RSF1: variants seen among roughly 807,000 people sequenced by gnomAD.
RSF1 encodes HBV pX-associated protein 8.
RSF1 carries 13 observed loss-of-function variants against 145.2 expected under a neutral mutation model. The ratio of observed to expected loss-of-function variants is 0.09; its 90% confidence interval spans 0.06 to 0.14. The LOEUF is 0.14. Among genes scored for constraint, RSF1 ranks in the 10% least tolerant of loss-of-function variants. RSF1 has a pLI of 1.00. For synonymous variants in RSF1, 577 were observed against 592.6 expected, an observed-to-expected ratio of 0.97 and a Z score of 0.38; for missense variants, 1,517 against 1,718.2, an observed-to-expected ratio of 0.88 and a Z score of 2.07.
chr11:77,746,291 G>A (rs1183575381), intron 3 of RSF1, among the ~76,000 whole-genome samples: 2 of 152,088 alleles, frequency 1.3e-5, no homozygotes, highest in East Asian at 1.9e-4. Flanking sequence ...TTTGGATCTT[G>A]AAGACTTCTG....
At chr11:77,746,974 A>T in intron 3 of RSF1, 62 bp downstream of exon 3, 1 of 1,017,772 alleles carries the variant, frequency 9.8e-7, no homozygotes. Flanking sequence ...TTTCCAATTT[A>T]ACCAGGAGTC....
intron 8 of RSF1, chr11:77,691,829 T>A (rs1960156833): frequency 6.6e-6 from 1 of 152,262 alleles, no homozygotes; most frequent in Non-Finnish European, 1.5e-5. Flanking sequence ...ATGTACTTGA[T>A]AATAAAGCTG....
intron 2 of RSF1, among the ~76,000 whole-genome samples, chr11:77,753,987 G>T (rs554361734): frequency 6.6e-6 from 1 of 152,086 alleles, no homozygotes; most frequent in African/African-American, 2.4e-5. Flanking sequence ...CCTAAACTGT[G>T]TTTGAAAAAC....
chr11:77,755,895 A>G (rs949015722), intron 2 of RSF1, among the ~76,000 whole-genome samples: 3 of 152,178 alleles, frequency 2.0e-5, no homozygotes, highest in Non-Finnish European at 4.4e-5. Context: ...TGGGAAGTGA[A>G]GAGCTGCATC....
chr11:77,726,502 T>C (rs1481679373), intron 4 of RSF1, among the ~76,000 whole-genome samples: 1 of 152,132 alleles, frequency 6.6e-6, no homozygotes, highest in Non-Finnish European at 1.5e-5. Context: ...AAAACAAAGG[T>C]GTGGTATGGT....
At chr11:77,714,702 C>T (rs932113826) in intron 5 of RSF1, among the ~76,000 whole-genome samples, 7 of 152,150 alleles carry the variant, frequency 4.6e-5, no homozygotes, top group South Asian at 2.1e-4. Flanking sequence ...ATTAGCTAAG[C>T]GCAGTGGCGC....
intron 5 of RSF1, among the ~76,000 whole-genome samples, chr11:77,712,027 G>A (rs1018416125): frequency 1.3e-5 from 2 of 152,040 alleles, no homozygotes; most frequent in African/African-American, 4.8e-5. Context: ...AATCTAATGT[G>A]GAATTTTTTG....
intron 1 of RSF1, among the ~76,000 whole-genome samples, chr11:77,798,619 A>AAAAAAAAC (rs1565184155): frequency 8.4e-6 from 1 of 119,398 alleles, no homozygotes; most frequent in Non-Finnish European, 1.7e-5. Context: ...AAAAAAAAAA[A>AAAAAAAAC]AAAGGCACAT....
At chr11:77,838,152 G>A in the RSF1 span, among the ~76,000 whole-genome samples, 2 of 152,118 alleles carry the variant, frequency 1.3e-5, no homozygotes, top group Non-Finnish European at 2.9e-5. Context: ...CTTTCTAATC[G>A]TCTTTAGTTG....
At chr11:77,733,139 A>C (rs1590856487) in intron 4 of RSF1, among the ~76,000 whole-genome samples, 1 of 152,206 alleles carries the variant, frequency 6.6e-6, no homozygotes, top group Non-Finnish European at 1.5e-5. Context: ...ACATTTGAAG[A>C]AACTGCAAAA....
chr11:77,754,037 A>G (rs1206548126), intron 2 of RSF1, among the ~76,000 whole-genome samples: 24 of 152,314 alleles, frequency 1.6e-4, no homozygotes, highest in Admixed American at 1.2e-3. Context: ...TTTGAATAAT[A>G]ATTATGACTC....
the RSF1 span, among the ~76,000 whole-genome samples, chr11:77,833,009 A>ATATATTTT: frequency 6.7e-5 from 4 of 60,036 alleles, no homozygotes; most frequent in African/African-American, 2.8e-4. Flanking sequence ...ATATATATAT[A>ATATATTTT]TTTTTTTTTT....
chr11:77,761,068 C>T lies in RSF1; in HGVS notation c.279+3530G>A, dbSNP rs532303786. ...CAAGCGGTTCTCCTGCCTCAGCCTC[C>T]GGAGTAGCTGGGCGCTTGCCACCAC... On this transcript the variant is annotated intron_variant, in intron 2 of 15. Transcript: ENST00000308488. Among the ~76,000 whole-genome samples, 31 of 152,214 alleles carry T rather than the reference C, an allele frequency of 2.0e-4. No homozygotes were observed. The East Asian group carries it at 3.9e-3, about 19-fold the overall frequency.
intron 2 of RSF1, among the ~76,000 whole-genome samples, chr11:77,751,292 A>G (rs964370352): frequency 6.6e-5 from 10 of 152,232 alleles, no homozygotes; most frequent in Admixed American, 2.6e-4. Flanking sequence ...AAATTTAAAA[A>G]GAGGGTGTGA....
intron 8 of RSF1, 31 bp downstream of exon 8, chr11:77,693,476 A>G (rs751805067): frequency 1.0e-5 from 14 of 1,382,024 alleles, no homozygotes; most frequent in South Asian, 8.2e-5. Flanking sequence ...ACAAACTCAA[A>G]GACTAGAAAA....
intron 4 of RSF1, among the ~76,000 whole-genome samples, chr11:77,738,429 T>C (rs1961420308): frequency 6.6e-6 from 1 of 152,212 alleles, no homozygotes; most frequent in Non-Finnish European, 1.5e-5. Context: ...GCATTTACAA[T>C]GCATTAAGTA....
At chr11:77,860,774 A>G in the RSF1 span, among the ~76,000 whole-genome samples, 1 of 152,278 alleles carries the variant, frequency 6.6e-6, no homozygotes, top group South Asian at 2.1e-4. Context: ...ATGCAGAAAA[A>G]GGCATCCTTA....
rs1289564232 is a variant in RSF1 at position 77,660,073 on chromosome 11, A to G, written c.*6844T>C. 1 of 152,264 alleles carries G rather than the reference A, an allele frequency of 6.6e-6. No individual in the cohort carries two copies. Among genetic ancestry groups the G allele is most frequent in the Admixed American group, 6.5e-5 (1 of 15,282 alleles). The allele number at this position is 152,264 out of a possible 1,614,324, so 9.4% of individuals were successfully genotyped here. ...GTGAAAGAAATGACAGAAGTATTAT[A>G]ATAAAACATTTTGAAAGAAAAAGTT... On this transcript the variant is annotated 3_prime_UTR_variant, in exon 16 of 16. Coordinates refer to ENST00000308488, the MANE Select transcript of RSF1 (RefSeq NM_016578.4).
At chr11:77,801,863 T>C (rs2135978520) in intron 1 of RSF1, among the ~76,000 whole-genome samples, 2 of 151,836 alleles carry the variant, frequency 1.3e-5, no homozygotes, top group Non-Finnish European at 2.9e-5. Flanking sequence ...GAAACCTCCA[T>C]TAAAAAAAAA....
Sources: allele counts gnomAD v4.1 joint callset (sites outside exome capture counted in the v4.1 genomes callset), GRCh38; gene constraint gnomAD v4.1.1; transcripts MANE v1.5; gene names NCBI Gene and HGNC (gene_info 2026-07-23, HGNC 2026-07-21).